TG: variants seen among roughly 807,000 people sequenced by gnomAD.
TG encodes the protein thyroglobulin.
In TG, 270 loss-of-function variants were observed where a neutral mutation model predicts 324.7. That is an observed-to-expected ratio of 0.83 (90% CI 0.75 to 0.92). The LOEUF is 0.92. Ranked by LOEUF, TG falls within the 40% of genes least tolerant of loss-of-function variation. TG has a pLI of 0.00. For missense variants in TG, 3,591 were observed against 3,456.4 expected, an observed-to-expected ratio of 1.04 and a Z score of -0.98; for synonymous variants, 1,401 against 1,327.0, an observed-to-expected ratio of 1.06 and a Z score of -1.21.
chr8:132,908,063 A>G lies in TG; in HGVS notation c.3848-123A>G, dbSNP rs1818939608. 5.4e-6 allele frequency: 6 copies of G among 1,106,792 alleles called. No homozygotes were observed. In the East Asian group the frequency reaches 1.3e-4, roughly 23 times the overall value. The allele number at this position is 1,106,792 out of a possible 1,614,324, so 68.6% of individuals were successfully genotyped here. The stretch of plus-strand genomic sequence containing the variant: ...ACTTAGACTCAGAATGACAATGCAA[A>G]ATGGCAGTGCTTATGTGTTTTGAGC... On this transcript the variant is annotated intron_variant, in intron 17 of 47. Coordinates refer to ENST00000220616, the MANE Select transcript of TG (RefSeq NM_003235.5).
chr8:132,965,765 G>A (rs4736617), intron 29 of TG, among the ~76,000 whole-genome samples: 42,476 of 152,180 alleles, frequency 0.28, 7,346 homozygotes, highest in African/African-American at 0.48. Context: ...ACAGAGGGAA[G>A]AGCATGAGCA....
At position 132,886,521 on chromosome 8, in the gene TG, C is replaced by T. The variant is rs553100709; in HGVS notation, c.1149C>T (p.Phe383=). 7.4e-6 allele frequency: 12 copies of T among 1,614,198 alleles called. No individual in the cohort carries two copies. In the South Asian group the frequency reaches 9.9e-5, roughly 13 times the overall value. The part of the protein sequence containing the change: ...SRLYFGTSGY[F]SQHDLFSSPE... Reference sequence around the variant, plus strand: ...TCTACTTTGGGACCTCAGGCTACTTCAGCCAGCACGACCTGTTCTCTTCCC... The same window carrying T: ...TCTACTTTGGGACCTCAGGCTACTTTAGCCAGCACGACCTGTTCTCTTCCC... Residue 383 remains phenylalanine (F), a synonymous_variant, in exon 9 of 48, where the codon TTC becomes TTT. Transcript: ENST00000220616.
chr8:133,101,554 C>T (rs1233765464), intron 43 of TG, among the ~76,000 whole-genome samples: 1 of 151,166 alleles, frequency 6.6e-6, no homozygotes, highest in African/African-American at 2.4e-5. Flanking sequence ...CCATCTGGGG[C>T]TGAGAAACAG....
In TG at chr8:133,093,257, G is replaced by T. The variant is rs4736628; in HGVS notation, c.7240-1787G>T. ...CAACAATAGGCTAAATCATATTGAC[G>T]CTTGTTCCTTGGGTCATTGAATTCC... is the stretch of plus-strand genomic sequence containing the variant. On this transcript the variant is annotated intron_variant, in intron 41 of 47. Coordinates refer to ENST00000220616, the MANE Select transcript of TG (RefSeq NM_003235.5). Among the ~76,000 whole-genome samples, 3 of 151,986 alleles carry T rather than the reference G, an allele frequency of 2.0e-5. No individual in the cohort carries two copies. The South Asian group carries it at 6.2e-4, about 32-fold the overall frequency.
chr8:132,973,578 C>T (rs1829814093), intron 34 of TG, among the ~76,000 whole-genome samples: 1 of 152,142 alleles, frequency 6.6e-6, no homozygotes, highest in African/African-American at 2.4e-5. Flanking sequence ...CGGAAAGTCA[C>T]ACCACTTCCT....
chr8:132,950,751 ACAGTAATAC>A (rs1358253709), intron 27 of TG, among the ~76,000 whole-genome samples: 1 of 152,232 alleles, frequency 6.6e-6, no homozygotes, highest in African/African-American at 2.4e-5. Flanking sequence ...CTATATAATG[ACAGTAATAC>A]CAGTACCCAT....
intron 26 of TG, among the ~76,000 whole-genome samples, chr8:132,941,791 T>C (rs929038842): frequency 2.0e-5 from 3 of 152,226 alleles, no homozygotes; most frequent in Non-Finnish European, 4.4e-5. Context: ...ACGGGGCATA[T>C]TGCAAGCTCC....
chr8:132,983,377 GC>G lies in TG; in HGVS notation c.6230del (p.Pro2077LeufsTer76). The G allele has an allele frequency of 6.2e-7, 1 of 1,614,016 alleles. No homozygotes were observed. Among genetic ancestry groups the G allele is most frequent in the East Asian group, 2.2e-5 (1 of 44,878 alleles). ...PIAQNNAPSF[C>X]PLVVLPSLTE... is the part of the protein sequence containing the mutation. ...GCTCAAAATAATGCTCCCAGTTTTT[GC>G]CCTTTGGTTGTTCTGCCTTCCCTCA... On this transcript the variant is annotated frameshift_variant, in exon 35 of 48. Coordinates refer to ENST00000220616, the MANE Select transcript of TG (RefSeq NM_003235.5). LOFTEE classifies it high-confidence loss of function.
At chr8:133,014,124 C>T (rs1834811247) in intron 37 of TG, among the ~76,000 whole-genome samples, 1 of 152,188 alleles carries the variant, frequency 6.6e-6, no homozygotes, top group Admixed American at 6.5e-5. Flanking sequence ...TTATCCCTGT[C>T]TTAGAAATCA....
At chr8:132,966,391 A>G (rs1828560806) in intron 29 of TG, among the ~76,000 whole-genome samples, 169 bp from the exon 30 acceptor site, 1 of 152,094 alleles carries the variant, frequency 6.6e-6, no homozygotes, top group Non-Finnish European at 1.5e-5. Context: ...ACTGACTTCA[A>G]TCCTGCTCTG....
intron 46 of TG, 110 bp downstream of exon 46, chr8:133,132,056 T>C (rs1172341761): frequency 1.2e-5 from 18 of 1,518,980 alleles, no homozygotes; most frequent in Non-Finnish European, 1.5e-5. Context: ...CTTTCCTCCG[T>C]AGACACTATA....
At chr8:132,924,561 G>A (rs544606806) in intron 22 of TG, among the ~76,000 whole-genome samples, 11 of 152,300 alleles carry the variant, frequency 7.2e-5, no homozygotes, top group African/African-American at 2.4e-4. Flanking sequence ...CCTGTACCAC[G>A]TACAGTTCCT....
intron 20 of TG, among the ~76,000 whole-genome samples, chr8:132,917,102 T>C (rs926207599): frequency 7.2e-6 from 1 of 139,002 alleles, no homozygotes; most frequent in Non-Finnish European, 1.6e-5. Flanking sequence ...TTCCTTTTTT[T>C]CTTCTTTCCT....
chr8:132,976,925 T>G (rs541448293), intron 34 of TG, among the ~76,000 whole-genome samples: 1 of 152,330 alleles, frequency 6.6e-6, no homozygotes, highest in East Asian at 1.9e-4. Context: ...AAGACCTAGT[T>G]TGAGAAGGGT....
intron 41 of TG, among the ~76,000 whole-genome samples, chr8:133,069,420 C>A (rs902654626): frequency 1.3e-5 from 2 of 152,200 alleles, no homozygotes; most frequent in Admixed American, 6.5e-5. Flanking sequence ...CTACAGCTCC[C>A]AGGCATTTGG....
chr8:132,901,478 A>G lies in TG; in HGVS notation c.3559A>G (p.Ser1187Gly). Residue 1187 changes from serine to glycine, a missense_variant, in exon 16 of 48, where the codon AGC (serine) becomes GGC (glycine). Physicochemically the swap from Ser to Gly is moderately conservative, Grantham distance 56. Coordinates refer to ENST00000220616, the MANE Select transcript of TG (RefSeq NM_003235.5). The stretch of plus-strand genomic sequence containing the variant: ...AGTGCAATGTGACCAGGCCCAGGGC[A>G]GCTGCTGGTGTGTCATGGACAGCGG... ...SPVQCDQAQGSCWCVMDSGEE... is the reference protein window; with the variant it reads ...SPVQCDQAQGGCWCVMDSGEE... 1.9e-6 allele frequency: 3 copies of G among 1,614,162 alleles called. No individual in the cohort carries two copies. The highest frequency in any genetic ancestry group is 2.2e-5 in the East Asian group (1 of 44,888).
intron 41 of TG, among the ~76,000 whole-genome samples, chr8:133,091,826 G>A (rs183413432): frequency 2.9e-4 from 44 of 152,054 alleles, no homozygotes; most frequent in African/African-American, 1.0e-3. Flanking sequence ...GTGTATGCCT[G>A]TGAGTTTTAT....
chr8:132,974,135 A>G lies in TG; in HGVS notation c.6199+1394A>G, dbSNP rs571084190. On this transcript the variant is annotated intron_variant, in intron 34 of 47. Transcript: ENST00000220616. ...CAGCCTCCCAAGTAGCTGGGATTAC[A>G]GGCCCCCACCACCATGCCCAGCTAA... Among the ~76,000 whole-genome samples, 5 of 151,912 alleles carry G rather than the reference A, an allele frequency of 3.3e-5. No homozygotes were observed. In the South Asian group the frequency reaches 8.3e-4, roughly 25 times the overall value.
At chr8:133,056,672 C>T (rs1032509051) in intron 41 of TG, among the ~76,000 whole-genome samples, 3 of 152,184 alleles carry the variant, frequency 2.0e-5, no homozygotes, top group African/African-American at 4.8e-5. Context: ...GCAGAAGCCT[C>T]GTGGGGCTGT....
Sources: allele counts gnomAD v4.1 joint callset (sites outside exome capture counted in the v4.1 genomes callset), GRCh38; gene constraint gnomAD v4.1.1; transcripts MANE v1.5; gene names NCBI Gene and HGNC (gene_info 2026-07-23, HGNC 2026-07-21).